The following EPHA6 variants were observed in gnomAD, a reference collection of about 807,000 sequenced individuals.
EPHA6 encodes ephrin type-A receptor 6.
A neutral mutation model predicts 112.0 loss-of-function variants in EPHA6; 50 were observed. The observed-to-expected ratio is 0.45, with a 90% CI of 0.36 to 0.56. EPHA6 has a LOEUF of 0.56. Ranked by LOEUF, EPHA6 falls within the 20% of genes least tolerant of loss-of-function variation. EPHA6 has a pLI of 0.00. For synonymous variants in EPHA6, 529 were observed against 490.7 expected (o/e 1.08, Z -1.03); for missense variants, 1,280 against 1,417.4 (o/e 0.90, Z 1.56).
intron 5 of EPHA6, among the ~76,000 whole-genome samples, chr3:97,352,152 C>G (rs1480118142): frequency 6.6e-6 from 1 of 151,478 alleles, no homozygotes; most frequent in Non-Finnish European, 1.5e-5. Context: ...AAAAACAGAA[C>G]AAAAGGATAT....
intron 5 of EPHA6, among the ~76,000 whole-genome samples, chr3:97,285,647 A>T (rs1414368860): frequency 6.8e-6 from 1 of 146,902 alleles, no homozygotes; most frequent in Admixed American, 6.7e-5. Flanking sequence ...TTGATTCCAT[A>T]TATTTGCTAT....
intron 3 of EPHA6, among the ~76,000 whole-genome samples, chr3:97,057,941 G>A (rs2108109806): frequency 6.6e-6 from 1 of 151,718 alleles, no homozygotes; most frequent in Admixed American, 6.6e-5. Flanking sequence ...TCTGTTCTTG[G>A]GCCTATTATA....
intron 8 of EPHA6, among the ~76,000 whole-genome samples, chr3:97,477,048 C>T (rs74714683): frequency 0.023 from 3,476 of 152,082 alleles, 145 homozygotes; most frequent in African/African-American, 0.079. Flanking sequence ...ATGTTGCCAC[C>T]ATCAGGCACT....
intron 4 of EPHA6, among the ~76,000 whole-genome samples, chr3:97,236,969 C>T (rs533312621): frequency 6.6e-6 from 1 of 152,000 alleles, no homozygotes; most frequent in Non-Finnish European, 1.5e-5. Flanking sequence ...TCTTCTTCCC[C>T]CGCCATCTCA....
intron 3 of EPHA6, among the ~76,000 whole-genome samples, chr3:97,031,462 A>C (rs1377172905): frequency 5.9e-5 from 9 of 152,158 alleles, no homozygotes; most frequent in Admixed American, 1.3e-4. Flanking sequence ...TAATTAAACT[A>C]AAGAGCTTCT....
intron 5 of EPHA6, among the ~76,000 whole-genome samples, chr3:97,374,249 G>A (rs1400889066): frequency 6.6e-6 from 1 of 151,912 alleles, no homozygotes; most frequent in African/African-American, 2.4e-5. Flanking sequence ...TCCCTAATCA[G>A]CCAGACTCAA....
chr3:96,914,848 G>A (rs2039406679), intron 2 of EPHA6, among the ~76,000 whole-genome samples: 1 of 151,850 alleles, frequency 6.6e-6, no homozygotes, highest in Non-Finnish European at 1.5e-5. Context: ...ATTATTTTGT[G>A]AGAAAAGGAG....
chr3:97,178,372 GAGT>G (rs1423190491), intron 3 of EPHA6, among the ~76,000 whole-genome samples: 1 of 152,020 alleles, frequency 6.6e-6, no homozygotes, highest in African/African-American at 2.4e-5. Context: ...GCATAGATAA[GAGT>G]AGTTTACACA....
chr3:97,183,261 C>T (rs1322637586), intron 3 of EPHA6, among the ~76,000 whole-genome samples: 2 of 152,032 alleles, frequency 1.3e-5, no homozygotes, highest in African/African-American at 4.8e-5. Flanking sequence ...ATCACTCTCC[C>T]TGACTCAGGT....
chr3:97,752,390 T>C lies in EPHA6; in HGVS notation c.*3689T>C, dbSNP rs553307710. 4.5e-6 allele frequency: 1 copy of C among 224,244 alleles called. No individual in the cohort carries two copies. The highest frequency in any genetic ancestry group is 2.2e-5 in the African/African-American group (1 of 44,982). 13.9% of individuals were successfully genotyped at this position (224,244 alleles called of 1,614,324 possible). ...CTGCTCTACAAGGCAGTCAGTTAAATCTCTCATTTCATAATTTTCACTGTG... is the reference window on the plus strand; with the variant it reads ...CTGCTCTACAAGGCAGTCAGTTAAACCTCTCATTTCATAATTTTCACTGTG... On this transcript the variant is annotated 3_prime_UTR_variant, in exon 18 of 18. Transcript: ENST00000389672.
chr3:97,463,936 AG>A (rs1423024480), intron 7 of EPHA6, among the ~76,000 whole-genome samples: 3 of 152,182 alleles, frequency 2.0e-5, no homozygotes, highest in African/African-American at 7.2e-5. Flanking sequence ...TTAAGCAAAG[AG>A]GAATGAAGAA....
At chr3:97,728,762 A>T (rs1163226211) in intron 15 of EPHA6, among the ~76,000 whole-genome samples, 3 of 152,174 alleles carry the variant, frequency 2.0e-5, no homozygotes, top group Non-Finnish European at 4.4e-5. Flanking sequence ...TTAGGACTTC[A>T]GTGCGGTTTC....
At chr3:97,368,025 A>C (rs907092536) in intron 5 of EPHA6, among the ~76,000 whole-genome samples, 2 of 152,182 alleles carry the variant, frequency 1.3e-5, no homozygotes, top group African/African-American at 4.8e-5. Context: ...TCACAAGTTC[A>C]AGGTGCTGAC....
At chr3:97,237,238 A>C (rs557212439) in intron 4 of EPHA6, among the ~76,000 whole-genome samples, 1 of 152,000 alleles carries the variant, frequency 6.6e-6, no homozygotes, top group African/African-American at 2.4e-5. Context: ...TTATCATAAA[A>C]ATAACTTAAA....
At chr3:97,522,372 C>A (rs1423445610) in intron 10 of EPHA6, among the ~76,000 whole-genome samples, 5 of 152,196 alleles carry the variant, frequency 3.3e-5, no homozygotes, top group African/African-American at 1.2e-4. Flanking sequence ...GTAAGTTGAA[C>A]CATCTTTGCA....
At chr3:96,875,818 C>G (rs929336482) in intron 2 of EPHA6, among the ~76,000 whole-genome samples, 1 of 151,860 alleles carries the variant, frequency 6.6e-6, no homozygotes, top group Non-Finnish European at 1.5e-5. Flanking sequence ...TTACATAAAA[C>G]AGTCTTTTAT....
intron 2 of EPHA6, among the ~76,000 whole-genome samples, chr3:96,934,216 T>G (rs1332242049): frequency 7.2e-5 from 11 of 151,980 alleles, no homozygotes; most frequent in Admixed American, 7.2e-4. Flanking sequence ...TTTGATTGAG[T>G]AGGCCATTTT....
At chr3:97,076,999 G>A (rs2046548309) in intron 3 of EPHA6, among the ~76,000 whole-genome samples, 1 of 152,108 alleles carries the variant, frequency 6.6e-6, no homozygotes, top group Admixed American at 6.6e-5. Flanking sequence ...AGATGTACAA[G>A]ATTAGTGTTG....
intron 11 of EPHA6, among the ~76,000 whole-genome samples, chr3:97,547,139 C>T (rs2092962503): frequency 6.6e-6 from 1 of 152,174 alleles, no homozygotes; most frequent in African/African-American, 2.4e-5. Context: ...AGGAGAGGTG[C>T]TCTGCTTTTT....
Sources: gnomAD v4.1 joint callset for allele counts (sites outside exome capture counted in the v4.1 genomes callset) on GRCh38, gnomAD v4.1.1 for gene constraint, MANE v1.5 for transcripts, NCBI Gene and HGNC (gene_info 2026-07-23, HGNC 2026-07-21) for gene names.